FIP1L1: variants seen among roughly 807,000 people sequenced by gnomAD.
FIP1L1 encodes the protein pre-mRNA 3'-end-processing factor FIP1.
A neutral mutation model predicts 84.6 loss-of-function variants in FIP1L1; 21 were observed. The ratio of observed to expected loss-of-function variants is 0.25; its 90% CI spans 0.18 to 0.36. The LOEUF is 0.36. Among genes scored for constraint, FIP1L1 ranks in the 10% least tolerant of loss-of-function variants. The pLI is 1.00. For synonymous variants in FIP1L1, 263 were observed against 242.3 expected (o/e 1.09, Z -0.80); for missense variants, 526 against 751.1 (o/e 0.70, Z 3.50).
chr4:53,410,502 T>C (rs1268474882), intron 10 of FIP1L1, among the ~76,000 whole-genome samples: 1 of 152,178 alleles, frequency 6.6e-6, no homozygotes, highest in East Asian at 1.9e-4. Flanking sequence ...GCCAAATGTG[T>C]TGTTGATGTT....
At chr4:53,395,320 G>A (rs1746636990) in intron 9 of FIP1L1, among the ~76,000 whole-genome samples, 1 of 152,182 alleles carries the variant, frequency 6.6e-6, no homozygotes, top group Non-Finnish European at 1.5e-5. Context: ...ATTTTTGTGT[G>A]TTTAAAAATC....
At chr4:53,450,329 A>C (rs1775873712) in intron 15 of FIP1L1, among the ~76,000 whole-genome samples, 1 of 152,184 alleles carries the variant, frequency 6.6e-6, no homozygotes, top group Admixed American at 6.5e-5. Flanking sequence ...ATGGTTAGGT[A>C]TTATTTTCTC....
chr4:53,417,415 G>A (rs897315202), intron 11 of FIP1L1, among the ~76,000 whole-genome samples: 5 of 152,032 alleles, frequency 3.3e-5, no homozygotes, highest in African/African-American at 1.2e-4. Context: ...GCCGAGGCAG[G>A]CAGATCACCT....
At chr4:53,457,052 T>C (rs1359937987) in intron 16 of FIP1L1, among the ~76,000 whole-genome samples, 3 of 152,158 alleles carry the variant, frequency 2.0e-5, no homozygotes, top group South Asian at 2.1e-4. Context: ...ACTAAAAAGT[T>C]CTGCTTCTGA....
At chr4:53,384,681 A>G (rs1739957241) in intron 5 of FIP1L1, among the ~76,000 whole-genome samples, 1 of 152,344 alleles carries the variant, frequency 6.6e-6, no homozygotes, top group South Asian at 2.1e-4. Flanking sequence ...ATGGACTGTC[A>G]TTGACTCATT....
At chr4:53,440,726 A>G (rs1435648606) in intron 13 of FIP1L1, 1 of 744,658 alleles carries the variant, frequency 1.3e-6, no homozygotes, top group Admixed American at 2.2e-5. Flanking sequence ...TGGGGATTTC[A>G]AGGTCCTATT....
intron 7 of FIP1L1, 53 bp downstream of exon 7, chr4:53,390,681 A>C: frequency 7.7e-7 from 1 of 1,290,638 alleles, no homozygotes; most frequent in South Asian, 1.4e-5. Flanking sequence ...TGAAGTCATC[A>C]GAAAATTTTT....
chr4:53,389,945 T>G (rs1743264097), intron 6 of FIP1L1, 72 bp downstream of exon 6: 2 of 1,187,914 alleles, frequency 1.7e-6, no homozygotes, highest in Admixed American at 2.3e-5. Context: ...TAATAGCTTT[T>G]TTTTTTAGTC....
intron 12 of FIP1L1, among the ~76,000 whole-genome samples, chr4:53,426,521 A>G (rs1423113457): frequency 1.3e-5 from 2 of 152,128 alleles, no homozygotes; most frequent in African/African-American, 2.4e-5. Context: ...AGAGCATTTC[A>G]GATTTCAGAT....
chr4:53,391,136 T>A lies in FIP1L1; in HGVS notation c.633T>A (p.Ile211=). Residue 211 remains isoleucine, a synonymous_variant, in exon 8 of 18, where the codon ATT becomes ATA. Transcript: ENST00000337488. ...CAGTAACCTCTACTACAAATAAAATTACGGTAATTAATAAATACTCCGGAA... is the reference window on the plus strand; with the variant it reads ...CAGTAACCTCTACTACAAATAAAATAACGGTAATTAATAAATACTCCGGAA... ...VIPVTSTTNK[I]TAEDCTMEVT... 1 of 1,597,580 alleles carries A rather than the reference T, an allele frequency of 6.3e-7. No homozygotes were observed.
chr4:53,393,772 C>G (rs1578237534), intron 9 of FIP1L1, among the ~76,000 whole-genome samples: 15 of 63,188 alleles, frequency 2.4e-4, no homozygotes, highest in African/African-American at 1.1e-4. Context: ...CGGCCCCCCC[C>G]CCCCCCCCCG....
At chr4:53,389,962 A>G (rs1376935207) in intron 6 of FIP1L1, 89 bp downstream of exon 6, 1 of 961,336 alleles carries the variant, frequency 1.0e-6, no homozygotes, top group Non-Finnish European at 1.6e-6. Flanking sequence ...AGTCGGGGAC[A>G]GAGTCTGGCT....
intron 9 of FIP1L1, among the ~76,000 whole-genome samples, chr4:53,391,711 T>G (rs1744325300): frequency 1.3e-5 from 2 of 152,348 alleles, no homozygotes; most frequent in Middle Eastern, 3.4e-3. Flanking sequence ...AAATGCCGAG[T>G]AAAACTATTG....
intron 9 of FIP1L1, among the ~76,000 whole-genome samples, chr4:53,395,683 G>T (rs1746846596): frequency 1.3e-5 from 2 of 152,252 alleles, no homozygotes; most frequent in South Asian, 4.1e-4. Context: ...AGTACTTATT[G>T]CATGCCAGGT....
chr4:53,405,172 A>C lies in FIP1L1; in HGVS notation c.815+5333A>C, dbSNP rs1752575151. Among the ~76,000 whole-genome samples the C allele has an allele frequency of 2.0e-5, 3 of 152,150 alleles. No individual in the cohort carries two copies. The South Asian group carries it at 6.2e-4, about 32-fold the overall frequency. On this transcript the variant is annotated intron_variant, in intron 10 of 17. Transcript: ENST00000337488. Reference sequence around the variant, plus strand: ...ACATTTAAGTCTTTAATCCATCTTGAATTAATTTTTGTATAAGGTGTAAGG... The same window carrying C: ...ACATTTAAGTCTTTAATCCATCTTGCATTAATTTTTGTATAAGGTGTAAGG...
chr4:53,396,992 T>G (rs1747745598), intron 9 of FIP1L1, among the ~76,000 whole-genome samples: 1 of 152,240 alleles, frequency 6.6e-6, no homozygotes, highest in African/African-American at 2.4e-5. Flanking sequence ...AGGAAAATTT[T>G]GAACTCTGCA....
At chr4:53,429,030 G>C (rs572465895) in intron 13 of FIP1L1, among the ~76,000 whole-genome samples, 42 of 152,174 alleles carry the variant, frequency 2.8e-4, no homozygotes, top group Non-Finnish European at 3.8e-4. Flanking sequence ...ATTTGCAAGA[G>C]AGCTGTCTTT....
At chr4:53,451,178 C>A (rs1195965105) in intron 15 of FIP1L1, among the ~76,000 whole-genome samples, 1 of 151,676 alleles carries the variant, frequency 6.6e-6, no homozygotes, top group Non-Finnish European at 1.5e-5. Flanking sequence ...ACTATGTTGG[C>A]CAGACTGTTC....
intron 9 of FIP1L1, 41 bp from the exon 10 acceptor site, chr4:53,399,689 T>C: frequency 7.8e-7 from 1 of 1,281,216 alleles, no homozygotes; most frequent in South Asian, 1.2e-5. Flanking sequence ...TGTTTGAGTG[T>C]TCTGTTAAAT....
Sources: allele counts gnomAD v4.1 joint callset (sites outside exome capture counted in the v4.1 genomes callset), GRCh38; gene constraint gnomAD v4.1.1; transcripts MANE v1.5; gene names NCBI Gene and HGNC (gene_info 2026-07-23, HGNC 2026-07-21).